PLAAT4: variants seen among roughly 807,000 people sequenced by gnomAD.
The protein encoded by PLAAT4 is phospholipase A and acyltransferase 4.
Under a neutral mutation model 14.1 loss-of-function variants are expected in PLAAT4, and 12 were observed. The ratio of observed to expected loss-of-function variants is 0.85; its 90% CI spans 0.54 to 1.37. PLAAT4 has a LOEUF of 1.37. Ranked by LOEUF, PLAAT4 falls within the 40% of genes most tolerant of loss-of-function variation. The pLI is 0.00. For synonymous variants in PLAAT4, 77 were observed against 79.8 expected (o/e 0.96, Z 0.19); for missense variants, 163 against 211.7 (o/e 0.77, Z 1.43).
At chr11:63,545,297 T>A (rs1425802692) in intron 3 of PLAAT4, 10 of 380,992 alleles carry the variant, frequency 2.6e-5, no homozygotes, top group Non-Finnish European at 4.8e-5. Flanking sequence ...CAAGGACATT[T>A]GTGTGTAAGA....
In PLAAT4 at chr11:63,543,340, G is replaced by A. The variant is rs546125250; in HGVS notation, c.119-1281G>A. Among the ~76,000 whole-genome samples, 13 of 152,324 alleles carry A rather than the reference G, an allele frequency of 8.5e-5. No homozygotes were observed. The South Asian group carries it at 2.7e-3, about 32-fold the overall frequency. On this transcript the variant is annotated intron_variant, in intron 2 of 3. Transcript: ENST00000255688. Reference sequence around the variant, plus strand: ...TTCTCATAGGAGTGCAAACCCCATTGGGAACTGCACATGCAAGGGATCAGG... The same window carrying A: ...TTCTCATAGGAGTGCAAACCCCATTAGGAACTGCACATGCAAGGGATCAGG...
intron 2 of PLAAT4, among the ~76,000 whole-genome samples, chr11:63,543,004 T>G (rs2017333670): frequency 6.6e-6 from 1 of 152,224 alleles, no homozygotes; most frequent in Non-Finnish European, 1.5e-5. Context: ...TACCTGGATT[T>G]GAACTTCAAT....
intron 2 of PLAAT4, among the ~76,000 whole-genome samples, chr11:63,540,716 C>T (rs2017314958): frequency 6.6e-6 from 1 of 152,194 alleles, no homozygotes; most frequent in East Asian, 1.9e-4. Flanking sequence ...ATCCCAGCTA[C>T]TCAGGAGGCT....
At position 63,538,053 on chromosome 11, in the gene PLAAT4, G is replaced by A. The variant is rs575258845; in HGVS notation, c.9+1176G>A. Among the ~76,000 whole-genome samples, 17 of 152,318 alleles carry A rather than the reference G, an allele frequency of 1.1e-4. No homozygotes were observed. The East Asian group carries it at 3.3e-3, about 29-fold the overall frequency. On this transcript the variant is annotated intron_variant, in intron 1 of 3. Coordinates refer to ENST00000255688, the MANE Select transcript of PLAAT4 (RefSeq NM_004585.5). Reference sequence around the variant, plus strand: ...AGCTTCTCAGGTGAGGGGGTTTGAGGGAGGGGAAGAGGAAGAGTGGCTGCA... The same window carrying A: ...AGCTTCTCAGGTGAGGGGGTTTGAGAGAGGGGAAGAGGAAGAGTGGCTGCA...
chr11:63,540,144 G>A (rs73490147), intron 2 of PLAAT4, among the ~76,000 whole-genome samples: 2,760 of 152,308 alleles, frequency 0.018, 84 homozygotes, highest in African/African-American at 0.062. Context: ...GTTGCCTCCC[G>A]CAGCGAAGCT....
intron 1 of PLAAT4, among the ~76,000 whole-genome samples, chr11:63,537,277 A>G (rs1183388383): frequency 6.6e-6 from 1 of 152,134 alleles, no homozygotes; most frequent in Non-Finnish European, 1.5e-5. Context: ...CTCGGCCCCA[A>G]ACGATGCTTT....
At position 63,544,800 on chromosome 11, in the gene PLAAT4, G is replaced by A; in HGVS notation, c.298G>A (p.Val100Ile). 1 of 1,614,230 alleles carries A rather than the reference G, an allele frequency of 6.2e-7. No homozygotes were observed. Among genetic ancestry groups the A allele is most frequent in the Non-Finnish European group, 8.5e-7 (1 of 1,180,056 alleles). ...EVIISSAKEMVGQKMKYSIVS... is the reference protein window; with the variant it reads ...EVIISSAKEMIGQKMKYSIVS... Reference sequence around the variant, plus strand: ...GATCATCAGTTCTGCGAAGGAGATGGTTGGTCAGAAGATGAAGTACAGTAT... The same window carrying A: ...GATCATCAGTTCTGCGAAGGAGATGATTGGTCAGAAGATGAAGTACAGTAT... The change falls in exon 3 of 4, where the codon GTT becomes ATT. Residue 100 changes from valine (V) to isoleucine (I), a missense_variant. Physicochemically the swap from Val to Ile is conservative, Grantham distance 29. Transcript: ENST00000255688.
chr11:63,539,425 G>T, intron 1 of PLAAT4, 91 bp from the exon 2 acceptor site: 1 of 1,008,796 alleles, frequency 9.9e-7, no homozygotes. Flanking sequence ...CATCAGCAAG[G>T]CGTCTCCAGG....
chr11:63,538,275 G>A (rs984148556), intron 1 of PLAAT4: 3 of 300,646 alleles, frequency 1.0e-5, no homozygotes, highest in Non-Finnish European at 2.0e-5. Context: ...GAGGTCAGAG[G>A]ACGGTCATGG....
At chr11:63,538,645 T>C (rs1002385750) in intron 1 of PLAAT4, among the ~76,000 whole-genome samples, 2 of 152,008 alleles carry the variant, frequency 1.3e-5, no homozygotes, top group Non-Finnish European at 2.9e-5. Context: ...TGCTATGCCC[T>C]GGGGCAGGAC....
chr11:63,538,150 GC>G lies in PLAAT4; in HGVS notation c.9+1274del, dbSNP rs533629355. Among the ~76,000 whole-genome samples, 695 of 152,254 alleles carry G rather than the reference GC, an allele frequency of 4.6e-3. 2 individuals are homozygous for G. The highest frequency in any genetic ancestry group is 8.1e-3 in the Non-Finnish European group (552 of 68,014). ...ACCAGAGCCAGGGCAGTAGTGAGGG[GC>G]TGGGATGTCACTCAGTGGGCCTGTG... On this transcript the variant is annotated intron_variant, in intron 1 of 3. Coordinates refer to ENST00000255688, the MANE Select transcript of PLAAT4 (RefSeq NM_004585.5).
intron 1 of PLAAT4, among the ~76,000 whole-genome samples, chr11:63,537,570 C>T (rs1181262052): frequency 6.6e-6 from 1 of 152,160 alleles, no homozygotes; most frequent in Non-Finnish European, 1.5e-5. Context: ...TTTACTGCTG[C>T]CAAAACAAAT....
In PLAAT4 at chr11:63,544,767, G is replaced by C. The variant is rs374650684; in HGVS notation, c.265G>C (p.Val89Leu). The C allele has an allele frequency of 2.8e-5, 46 of 1,614,234 alleles. No individual in the cohort carries two copies. In the South Asian group the frequency reaches 4.8e-4, roughly 17 times the overall value. The change falls in exon 3 of 4, where the codon GTG becomes CTG. Residue 89 changes from valine (V) to leucine (L), a missense_variant. Physicochemically the swap from Val to Leu is conservative, Grantham distance 32. Coordinates refer to ENST00000255688, the MANE Select transcript of PLAAT4 (RefSeq NM_004585.5). ...SLDHEYQPRP[V>L]EVIISSAKEM... ...GGACCATGAGTACCAACCACGGCCC[G>C]TGGAGGTGATCATCAGTTCTGCGAA...
intron 1 of PLAAT4, chr11:63,538,388 A>AG: frequency 5.2e-6 from 2 of 383,442 alleles, no homozygotes; most frequent in Non-Finnish European, 1.0e-5. Context: ...GGGGTCACAG[A>AG]GGCAGGCATG....
At chr11:63,544,549 C>A (rs1190372796) in intron 2 of PLAAT4, 72 bp from the exon 3 acceptor site, 9 of 1,489,160 alleles carry the variant, frequency 6.0e-6, no homozygotes, top group Non-Finnish European at 8.2e-6. Flanking sequence ...CCAGTAGTTC[C>A]TTAGTGGAGA....
At position 63,544,651 on chromosome 11, in the gene PLAAT4, T is replaced by C. The variant is rs1167299951; in HGVS notation, c.149T>C (p.Val50Ala). 2.5e-6 allele frequency: 4 copies of C among 1,613,858 alleles called. No homozygotes were observed. The highest frequency in any genetic ancestry group is 3.4e-6 in the Non-Finnish European group (4 of 1,179,780). Residue 50 changes from valine (V) to alanine (A), a missense_variant, in exon 3 of 4, where the codon GTC (valine) becomes GCC (alanine). Transcript: ENST00000255688. ...SEYPGAGSSS[V>A]FSVLSNSAEV... ...TACCCCGGGGCTGGCTCCTCCAGTG[T>C]CTTCTCAGTCCTGAGCAACAGTGCA...
Position 63,540,596 on chromosome 11 carries a change from C to T in PLAAT4, c.118+972C>T, listed in dbSNP as rs948108171. The stretch of plus-strand genomic sequence containing the variant: ...ATCCCAGCACTTTGGGAGGCCAAGG[C>T]GGACGGATCACTTGAGGTCAGGAGT... On this transcript the variant is annotated intron_variant, in intron 2 of 3. Coordinates refer to ENST00000255688, the MANE Select transcript of PLAAT4 (RefSeq NM_004585.5). Among the ~76,000 whole-genome samples, 4 of 152,134 alleles carry T rather than the reference C, an allele frequency of 2.6e-5. No homozygotes were observed. In the East Asian group the frequency reaches 5.8e-4, roughly 22 times the overall value.
At chr11:63,539,898 T>C (rs1442405887) in intron 2 of PLAAT4, among the ~76,000 whole-genome samples, 2 of 152,146 alleles carry the variant, frequency 1.3e-5, no homozygotes, top group South Asian at 4.1e-4. Flanking sequence ...GAGGCAGAGG[T>C]TGCAGTGAGC....
chr11:63,542,676 C>G (rs1465755585), intron 2 of PLAAT4, among the ~76,000 whole-genome samples: 1 of 152,182 alleles, frequency 6.6e-6, no homozygotes, highest in Non-Finnish European at 1.5e-5. Flanking sequence ...CTCACAGCTC[C>G]TCTCCTTCAC....
Sources: allele counts gnomAD v4.1 joint callset (sites outside exome capture counted in the v4.1 genomes callset), GRCh38; gene constraint gnomAD v4.1.1; transcripts MANE v1.5; gene names NCBI Gene and HGNC (gene_info 2026-07-23, HGNC 2026-07-21).